Variants in HS3ST5 observed in about 807,000 individuals in gnomAD.
The protein encoded by HS3ST5 is heparan sulfate-glucosamine 3-sulfotransferase 5, also known as heparan sulfate glucosamine 3-O-sulfotransferase 5.
In HS3ST5, 10 loss-of-function variants were observed where a neutral mutation model predicts 25.4. The observed-to-expected ratio is 0.39, with a 90% CI of 0.24 to 0.67. The LOEUF (loss-of-function observed/expected upper bound fraction) is 0.67, where lower values mean the gene tolerates loss of function less well. HS3ST5 is among the 30% of genes least tolerant of loss of function. The probability of loss-of-function intolerance (pLI) is 0.44; values close to 1 mark genes in which losing one functional copy is unlikely to be tolerated. For missense variants in HS3ST5, 324 were observed against 420.7 expected (o/e 0.77, Z 2.01); for synonymous variants, 170 against 162.4 (o/e 1.05, Z -0.36).
chr6:114,188,142 A>G (rs1208112225), intron 2 of HS3ST5, among the ~76,000 whole-genome samples: 1 of 152,150 alleles, frequency 6.6e-6, no homozygotes, highest in African/African-American at 2.4e-5. Context: ...GTACTTTGTT[A>G]TGGCAGCCCG....
chr6:114,316,702 A>G (rs532886211), intron 1 of HS3ST5, among the ~76,000 whole-genome samples: 59 of 152,374 alleles, frequency 3.9e-4, no homozygotes, highest in African/African-American at 1.4e-3. Context: ...TTTATGTTCT[A>G]CAGTTAATGC....
intron 3 of HS3ST5, among the ~76,000 whole-genome samples, chr6:114,090,673 T>C (rs1775076618): frequency 6.6e-6 from 1 of 152,228 alleles, no homozygotes; most frequent in Non-Finnish European, 1.5e-5. Context: ...TATGGATAGT[T>C]TGCAAAAAAA....
intron 3 of HS3ST5, among the ~76,000 whole-genome samples, chr6:114,080,026 C>T (rs545861360): frequency 3.0e-4 from 46 of 152,296 alleles, no homozygotes; most frequent in African/African-American, 1.1e-3. Context: ...ATCCGCCCGC[C>T]CCAGCCTTCC....
At position 114,062,718 on chromosome 6, in the gene HS3ST5, G is replaced by A. The variant is rs763593360; in HGVS notation, c.107+21C>T. ...AAGCCTTAATGTCACAGGGGTATAA[G>A]CATGTGTTTTAAGCACCCACCTATC... On this transcript the variant is annotated intron_variant, in intron 4 of 4. Transcript: ENST00000312719. 6 of 1,478,692 alleles carry A rather than the reference G, an allele frequency of 4.1e-6. No individual in the cohort carries two copies. In the South Asian group the frequency reaches 6.8e-5, roughly 17 times the overall value. 91.6% of individuals were successfully genotyped at this position (1,478,692 alleles called of 1,614,324 possible).
intron 3 of HS3ST5, among the ~76,000 whole-genome samples, chr6:114,165,644 G>A (rs1259866475): frequency 6.6e-6 from 1 of 152,116 alleles, no homozygotes; most frequent in Non-Finnish European, 1.5e-5. Flanking sequence ...GAGGCAACTT[G>A]ACGTCAGTGT....
At chr6:114,262,443 A>G (rs1773219062) in intron 1 of HS3ST5, among the ~76,000 whole-genome samples, 1 of 151,990 alleles carries the variant, frequency 6.6e-6, no homozygotes, top group Non-Finnish European at 1.5e-5. Flanking sequence ...GCTACTTGGG[A>G]GGCTGAGGCA....
intron 3 of HS3ST5, chr6:114,132,013 T>G (rs1246644180): frequency 7.2e-5 from 11 of 152,258 alleles, no homozygotes; most frequent in Non-Finnish European, 1.3e-4. Context: ...ATTGTTATCT[T>G]ATTTGCACCC....
At chr6:114,217,909 T>C (rs1781845229) in intron 2 of HS3ST5, among the ~76,000 whole-genome samples, 1 of 152,210 alleles carries the variant, frequency 6.6e-6, no homozygotes, top group African/African-American at 2.4e-5. Context: ...TCTCCTTGCA[T>C]TAAAATGAGT....
intron 3 of HS3ST5, among the ~76,000 whole-genome samples, chr6:114,117,856 A>C (rs946882541): frequency 6.6e-6 from 1 of 152,134 alleles, no homozygotes; most frequent in Non-Finnish European, 1.5e-5. Context: ...CTATCCAGAC[A>C]TCTACCTCTA....
intron 1 of HS3ST5, among the ~76,000 whole-genome samples, chr6:114,233,593 A>G (rs1304557124): frequency 6.6e-6 from 1 of 152,190 alleles, no homozygotes; most frequent in Non-Finnish European, 1.5e-5. Flanking sequence ...TTCTGTGGAC[A>G]AACACTCAAG....
chr6:114,109,769 T>C (rs952261652), intron 3 of HS3ST5, among the ~76,000 whole-genome samples: 1 of 152,238 alleles, frequency 6.6e-6, no homozygotes, highest in Non-Finnish European at 1.5e-5. Context: ...CACTCCCCAG[T>C]CTTCTTTATG....
chr6:114,280,444 C>G (rs891460439), intron 1 of HS3ST5, among the ~76,000 whole-genome samples: 1 of 151,924 alleles, frequency 6.6e-6, no homozygotes, highest in Non-Finnish European at 1.5e-5. Context: ...AGGAGGTACG[C>G]CCTCTTCCAA....
rs1166060075 is a variant in HS3ST5, at chr6:114,062,610, G to A, written c.107+129C>T. 8 of 654,406 alleles carry A rather than the reference G, an allele frequency of 1.2e-5. No homozygotes were observed. The East Asian group carries it at 2.1e-4, about 17-fold the overall frequency. 40.5% of individuals were successfully genotyped at this position (654,406 alleles called of 1,614,324 possible). On this transcript the variant is annotated intron_variant, in intron 4 of 4. Transcript: ENST00000312719. ...GGCTCAGTAAATCAAAATCAATACTGCAGAAAAGCATGTTTCCTGGGAATT... is the reference window on the plus strand; with the variant it reads ...GGCTCAGTAAATCAAAATCAATACTACAGAAAAGCATGTTTCCTGGGAATT...
At chr6:114,275,408 A>G (rs1773808381) in intron 1 of HS3ST5, among the ~76,000 whole-genome samples, 1 of 152,038 alleles carries the variant, frequency 6.6e-6, no homozygotes, top group Non-Finnish European at 1.5e-5. Flanking sequence ...CTTTACATTA[A>G]CACCTTCTTG....
At chr6:114,299,037 G>A (rs1467641396) in intron 1 of HS3ST5, among the ~76,000 whole-genome samples, 6 of 152,210 alleles carry the variant, frequency 3.9e-5, no homozygotes, top group Admixed American at 3.9e-4. Flanking sequence ...CCGCTGGTGA[G>A]CCGGGCGGAA....
chr6:114,181,799 G>C (rs1159602459), intron 2 of HS3ST5, among the ~76,000 whole-genome samples: 2 of 152,084 alleles, frequency 1.3e-5, no homozygotes, highest in African/African-American at 4.8e-5. Context: ...TTTTAAAAGA[G>C]TGCTTTGTTT....
At chr6:114,198,269 C>G (rs1055885021) in intron 2 of HS3ST5, among the ~76,000 whole-genome samples, 2 of 151,956 alleles carry the variant, frequency 1.3e-5, no homozygotes, top group Admixed American at 6.6e-5. Flanking sequence ...ATGAACGAAG[C>G]CTTTGAGATA....
intron 3 of HS3ST5, among the ~76,000 whole-genome samples, chr6:114,144,423 CAAAG>C (rs1778055718): frequency 6.6e-6 from 1 of 152,132 alleles, no homozygotes; most frequent in African/African-American, 2.4e-5. Context: ...AGTTACATCA[CAAAG>C]AAAGAAAACT....
intron 1 of HS3ST5, among the ~76,000 whole-genome samples, chr6:114,274,910 T>C (rs1463305260): frequency 6.6e-6 from 1 of 151,082 alleles, no homozygotes; most frequent in Non-Finnish European, 1.5e-5. Context: ...CAACTATGTA[T>C]ACAACTATAC....
Sources: gnomAD v4.1 joint callset for allele counts (sites outside exome capture counted in the v4.1 genomes callset) on GRCh38, gnomAD v4.1.1 for gene constraint, MANE v1.5 for transcripts, NCBI Gene and HGNC (gene_info 2026-07-23, HGNC 2026-07-21) for gene names.